Variants in SPEN observed in about 807,000 individuals in gnomAD.
The protein encoded by SPEN is msx2-interacting protein.
SPEN carries 18 observed loss-of-function variants against 269.9 expected under a neutral mutation model. That is an observed-to-expected ratio of 0.07 (90% CI 0.05 to 0.10). The LOEUF is 0.10. SPEN is among the 10% of genes least tolerant of loss of function. The probability of loss-of-function intolerance (pLI) is 1.00; values close to 1 mark genes in which losing one functional copy is unlikely to be tolerated. For missense variants in SPEN, 3,822 were observed against 4,631.2 expected, an observed-to-expected ratio of 0.83 and a Z score of 5.07; for synonymous variants, 1,726 against 1,765.7, an observed-to-expected ratio of 0.98 and a Z score of 0.56.
chr1:15,939,446 C>A lies in SPEN; in HGVS notation c.*19C>A. 1 of 1,562,850 alleles carries A rather than the reference C, an allele frequency of 6.4e-7. No homozygotes were observed. The highest frequency in any genetic ancestry group is 1.2e-5 in the South Asian group (1 of 83,742). ...CGTGTGAGCCACTGAGTGGTTATCACCTCAGTGAATCTTCCCAGGGCTCTG... is the reference window on the plus strand; with the variant it reads ...CGTGTGAGCCACTGAGTGGTTATCAACTCAGTGAATCTTCCCAGGGCTCTG... On this transcript the variant is annotated 3_prime_UTR_variant, in exon 15 of 15. Coordinates refer to ENST00000375759, the MANE Select transcript of SPEN (RefSeq NM_015001.3). The surrounding 1 kb of genome is among the most constrained non-coding windows in gnomAD (Gnocchi z 4.1).
Position 15,932,810 on chromosome 1 carries a change from T to C in SPEN, c.6570T>C (p.Tyr2190=). ...KLAEASASAA[Y]KADAPEGLAP... ...CTGAGGCCTCTGCCTCTGCTGCCTA[T>C]AAGGCAGATGCACCAGAGGGCCTTG... Residue 2190 remains tyrosine (Y), a synonymous_variant, in exon 11 of 15, where the codon TAT becomes TAC. Coordinates refer to ENST00000375759, the MANE Select transcript of SPEN (RefSeq NM_015001.3). This position sits in a 1 kb window ranked among gnomAD's most constrained non-coding sequence, Gnocchi z 4.2. The C allele has an allele frequency of 1.9e-6, 3 of 1,614,140 alleles. No homozygotes were observed. The highest frequency in any genetic ancestry group is 2.5e-6 in the Non-Finnish European group (3 of 1,180,024).
rs1169787512 is a variant in SPEN, at chr1:15,933,131, T to C, written c.6891T>C (p.Asp2297=). ...CTGACCCCTCAGCCGGCCCAACAGA[T>C]ACCAAGGAAGCCAGAGGAAATAGCA... is the stretch of plus-strand genomic sequence containing the variant. ...NAPDPSAGPT[D]TKEARGNSSE... is the part of the protein sequence containing the mutation. Residue 2297 remains aspartate (D), a synonymous_variant, in exon 11 of 15, where the codon GAT becomes GAC. Coordinates refer to ENST00000375759, the MANE Select transcript of SPEN (RefSeq NM_015001.3). This position sits in a 1 kb window ranked among gnomAD's most constrained non-coding sequence, Gnocchi z 5.7. 5.6e-6 allele frequency: 9 copies of C among 1,613,934 alleles called. No homozygotes were observed. The highest frequency in any genetic ancestry group is 7.6e-6 in the Non-Finnish European group (9 of 1,180,008).
At chr1:15,899,581 A>G (rs1272944585) in intron 3 of SPEN, among the ~76,000 whole-genome samples, 1 of 68,756 alleles carries the variant, frequency 1.5e-5, no homozygotes, top group African/African-American at 5.7e-5. Flanking sequence ...TGTGTTGTTT[A>G]TGCTGAACTC....
At chr1:15,906,773 CTTTTTT>C (rs1229092780) in intron 3 of SPEN, among the ~76,000 whole-genome samples, 1 of 96,508 alleles carries the variant, frequency 1.0e-5, no homozygotes, top group African/African-American at 4.6e-5. Flanking sequence ...ATGTTTTCAT[CTTTTTT>C]TTTTTTTTTT....
At chr1:15,866,247 G>A (rs763230552) in intron 1 of SPEN, among the ~76,000 whole-genome samples, 6 of 151,920 alleles carry the variant, frequency 3.9e-5, no homozygotes, top group Non-Finnish European at 5.9e-5. Context: ...TCTTTTGCTG[G>A]CTTTAGGGAT....
At chr1:15,921,130 A>G (rs1046235612) in intron 9 of SPEN, 147 bp downstream of exon 9, 2 of 409,526 alleles carry the variant, frequency 4.9e-6, no homozygotes, top group African/African-American at 4.2e-5. Flanking sequence ...GTTCGAGACC[A>G]GCCTGATGAA....
intron 8 of SPEN, 95 bp from the exon 9 acceptor site, chr1:15,920,775 C>T (rs56166023): frequency 1.0e-5 from 5 of 476,852 alleles, no homozygotes; most frequent in East Asian, 1.0e-4. Context: ...TATATTTTTT[C>T]TCATCCGTGT....
chr1:15,874,658 C>G (rs1178498142), intron 2 of SPEN, among the ~76,000 whole-genome samples: 1 of 152,122 alleles, frequency 6.6e-6, no homozygotes, highest in Non-Finnish European at 1.5e-5. Flanking sequence ...TTAATAATGG[C>G]TTTCACTGAT....
chr1:15,904,808 T>G (rs1194617204), intron 3 of SPEN, among the ~76,000 whole-genome samples: 1 of 152,098 alleles, frequency 6.6e-6, no homozygotes, highest in Non-Finnish European at 1.5e-5. Context: ...TTTAAATGTT[T>G]ACAATAAATC....
At chr1:15,861,533 A>C (rs551293090) in intron 1 of SPEN, among the ~76,000 whole-genome samples, 2 of 152,168 alleles carry the variant, frequency 1.3e-5, no homozygotes, top group Non-Finnish European at 2.9e-5. Flanking sequence ...TTTTACTGAA[A>C]AGTAAGTCCT....
At chr1:15,913,653 C>T (rs2148730436) in intron 5 of SPEN, among the ~76,000 whole-genome samples, 1 of 151,710 alleles carries the variant, frequency 6.6e-6, no homozygotes, top group African/African-American at 2.4e-5. Flanking sequence ...GTTTGGGAGG[C>T]TGAGGCAGGA....
chr1:15,859,939 T>C (rs1170202448), intron 1 of SPEN, among the ~76,000 whole-genome samples: 2 of 90,816 alleles, frequency 2.2e-5, no homozygotes, highest in Non-Finnish European at 4.0e-5. Context: ...TGAGACGGAG[T>C]CTTGCTCTGT....
At chr1:15,916,672 C>T (rs2071070401) in intron 6 of SPEN, among the ~76,000 whole-genome samples, 2 of 152,054 alleles carry the variant, frequency 1.3e-5, no homozygotes. Context: ...CCCACCACGC[C>T]CAGCTAACTC....
At chr1:15,860,444 T>TGTGC (rs779365192) in intron 1 of SPEN, among the ~76,000 whole-genome samples, 1 of 76,758 alleles carries the variant, frequency 1.3e-5, no homozygotes, top group African/African-American at 3.4e-5. Flanking sequence ...CCCACTGTAG[T>TGTGC]GTGTGTGTGT....
Position 15,933,514 on chromosome 1 carries a change from C to T in SPEN, c.7274C>T (p.Ala2425Val). Residue 2425 changes from alanine (A) to valine (V), a missense_variant, in exon 11 of 15, where the codon GCA (alanine) becomes GTA (valine). By Grantham distance (64) the Ala-to-Val change is moderately conservative. Coordinates refer to ENST00000375759, the MANE Select transcript of SPEN (RefSeq NM_015001.3). The surrounding 1 kb of genome is among the most constrained non-coding windows in gnomAD (Gnocchi z 5.7). ...GTTGAGGAAAGGACTCCAACCAAAG[C>T]ATCTGTGCCCCCAGACCTTCCCCCA... The part of the protein sequence containing the change: ...ISVEERTPTK[A>V]SVPPDLPPPP... The T allele has an allele frequency of 1.2e-6, 2 of 1,614,004 alleles. No homozygotes were observed. Among genetic ancestry groups the T allele is most frequent in the East Asian group, 4.5e-5 (2 of 44,872 alleles).
At chr1:15,917,425 T>G (rs1175067543) in intron 6 of SPEN, among the ~76,000 whole-genome samples, 4 of 152,168 alleles carry the variant, frequency 2.6e-5, no homozygotes, top group Admixed American at 2.6e-4. Flanking sequence ...GTTTCACTCT[T>G]GTCACCCAGG....
intron 2 of SPEN, 26 bp from the exon 3 acceptor site, chr1:15,876,176 A>G: frequency 2.5e-6 from 4 of 1,570,034 alleles, no homozygotes; most frequent in Non-Finnish European, 3.5e-6. Context: ...TTTCTGATTA[A>G]ATATTTTTCC....
chr1:15,921,302 C>T (rs373903331), intron 9 of SPEN, among the ~76,000 whole-genome samples: 2 of 152,292 alleles, frequency 1.3e-5, no homozygotes, highest in South Asian at 4.1e-4. Flanking sequence ...TGCACTCCAG[C>T]CTGGGTGACA....
intron 1 of SPEN, 83 bp from the exon 2 acceptor site, chr1:15,872,733 C>A: frequency 2.6e-6 from 3 of 1,170,436 alleles, no homozygotes; most frequent in Non-Finnish European, 3.5e-6. Flanking sequence ...ACATACATAA[C>A]GCAAATTGTC....
Sources: allele counts gnomAD v4.1 joint callset (sites outside exome capture counted in the v4.1 genomes callset), GRCh38; gene constraint gnomAD v4.1.1; non-coding constraint Gnocchi (gnomAD v3.1); transcripts MANE v1.5; gene names NCBI Gene and HGNC (gene_info 2026-07-23, HGNC 2026-07-21).